Variants in TENM4 observed in about 807,000 individuals in gnomAD.
TENM4 encodes teneurin transmembrane protein 4, also known as teneurin-4.
A neutral mutation model predicts 243.3 loss-of-function variants in TENM4; 82 were observed. The observed-to-expected ratio is 0.34, with a 90% CI of 0.28 to 0.40. The LOEUF (loss-of-function observed/expected upper bound fraction) is 0.40, where lower values mean the gene tolerates loss of function less well. TENM4 is among the 10% of genes least tolerant of loss of function. The pLI, the probability that TENM4 is intolerant of heterozygous loss-of-function variation, is 1.00. For synonymous variants in TENM4, 1,412 were observed against 1,456.3 expected (o/e 0.97, Z 0.69); for missense variants, 3,138 against 3,673.3 (o/e 0.85, Z 3.77).
chr11:79,293,569 G>A (rs1856393053), intron 2 of TENM4, among the ~76,000 whole-genome samples: 1 of 151,778 alleles, frequency 6.6e-6, no homozygotes, highest in Non-Finnish European at 1.5e-5. Context: ...TATGTAAGAT[G>A]TCACCAGAGT....
At chr11:78,762,798 A>G (rs1389691049) in intron 18 of TENM4, among the ~76,000 whole-genome samples, 1 of 146,458 alleles carries the variant, frequency 6.8e-6, no homozygotes, top group Non-Finnish European at 1.5e-5. Context: ...AACAGTGCAT[A>G]TGGCTGTTCT....
intron 19 of TENM4, chr11:78,749,140 G>A (rs986528567): frequency 1.3e-5 from 2 of 152,200 alleles, no homozygotes; most frequent in African/African-American, 4.8e-5. Flanking sequence ...TGGCAGAGGA[G>A]GAGTTGTTAG....
At chr11:78,778,153 A>C (rs995148606) in intron 17 of TENM4, among the ~76,000 whole-genome samples, 7 of 152,154 alleles carry the variant, frequency 4.6e-5, no homozygotes, top group Non-Finnish European at 8.8e-5. Flanking sequence ...GAATGAACAC[A>C]GTAGTACTAG....
intron 6 of TENM4, among the ~76,000 whole-genome samples, chr11:78,961,762 T>C (rs1857327488): frequency 6.6e-6 from 1 of 151,696 alleles, no homozygotes; most frequent in South Asian, 2.1e-4. Flanking sequence ...AGGTAGTTGG[T>C]TGGTGTTGCC....
At chr11:78,980,573 G>T (rs773640059) in intron 6 of TENM4, among the ~76,000 whole-genome samples, 15 of 152,226 alleles carry the variant, frequency 9.9e-5, no homozygotes, top group Admixed American at 3.9e-4. Context: ...AAATGGTTTT[G>T]TGCCATTAAT....
At chr11:79,008,599 CTT>C (rs933445928) in intron 6 of TENM4, among the ~76,000 whole-genome samples, 2 of 152,128 alleles carry the variant, frequency 1.3e-5, no homozygotes, top group African/African-American at 4.8e-5. Context: ...TTTTAAGTAA[CTT>C]TATAATATTA....
rs1392866947 is a variant in TENM4 at position 78,732,301 on chromosome 11, A to G, written c.3138+15T>C. ...AATAAAAGCATGGTGGAATGCAATT[A>G]GGAAAGCTGGGTACCTGAATTTCCG... On this transcript the variant is annotated intron_variant, in intron 21 of 33. Transcript: ENST00000278550. The G allele has an allele frequency of 6.3e-7, 1 of 1,581,334 alleles. No individual in the cohort carries two copies. Among genetic ancestry groups the G allele is most frequent in the African/African-American group, 1.4e-5 (1 of 73,862 alleles).
At chr11:79,364,856 G>A (rs1396747119) in intron 1 of TENM4, among the ~76,000 whole-genome samples, 1 of 152,108 alleles carries the variant, frequency 6.6e-6, no homozygotes, top group Non-Finnish European at 1.5e-5. Context: ...TTACCACTTT[G>A]TAAATCTCTT....
At chr11:78,823,472 C>A (rs1857783008) in intron 12 of TENM4, among the ~76,000 whole-genome samples, 1 of 152,166 alleles carries the variant, frequency 6.6e-6, no homozygotes, top group African/African-American at 2.4e-5. Flanking sequence ...GGGAACTTAG[C>A]ATTCAGGAGC....
intron 19 of TENM4, among the ~76,000 whole-genome samples, chr11:78,744,723 A>G (rs1374670520): frequency 1.3e-5 from 2 of 152,254 alleles, no homozygotes; most frequent in Non-Finnish European, 2.9e-5. Flanking sequence ...GCATTCATTT[A>G]TAAATCGCAC....
intron 4 of TENM4, among the ~76,000 whole-genome samples, chr11:79,107,102 G>A (rs1216963999): frequency 6.6e-6 from 1 of 152,140 alleles, no homozygotes; most frequent in Non-Finnish European, 1.5e-5. Flanking sequence ...TGAGGAACAG[G>A]TGGCACAGAG....
chr11:78,973,253 T>C (rs975655362), intron 6 of TENM4, among the ~76,000 whole-genome samples: 7 of 152,236 alleles, frequency 4.6e-5, no homozygotes, highest in African/African-American at 1.7e-4. Flanking sequence ...AACTGCCAGA[T>C]TGTCTTCCAA....
rs1024647719 is a variant in TENM4, at chr11:78,654,773, A to C, written c.*3285T>G. ...TACCTGCATGCCTTCCCCTTCCTCCAGTCTGCCCTCCAGCAATGTCTGTTT... is the reference window on the plus strand; with the variant it reads ...TACCTGCATGCCTTCCCCTTCCTCCCGTCTGCCCTCCAGCAATGTCTGTTT... On this transcript the variant is annotated 3_prime_UTR_variant, in exon 34 of 34. Transcript: ENST00000278550. 2 of 143,796 alleles carry C rather than the reference A, an allele frequency of 1.4e-5. No homozygotes were observed. The highest frequency in any genetic ancestry group is 5.0e-5 in the African/African-American group (2 of 39,714). 8.9% of individuals were successfully genotyped at this position (143,796 alleles called of 1,614,324 possible). A position where few individuals can be genotyped will look rare whatever the true frequency, so the allele number is the denominator to read the frequency against.
intron 1 of TENM4, among the ~76,000 whole-genome samples, chr11:79,334,142 C>T (rs1331707808): frequency 1.3e-5 from 2 of 152,162 alleles, no homozygotes; most frequent in Admixed American, 6.5e-5. Flanking sequence ...AGAGCCCCAA[C>T]AAAAACAAGC....
chr11:78,711,093 C>G (rs550630265), intron 26 of TENM4, among the ~76,000 whole-genome samples: 70 of 152,290 alleles, frequency 4.6e-4, no homozygotes, highest in Admixed American at 1.7e-3. Flanking sequence ...CTTCTAAGTG[C>G]AAGCCTAGTG....
chr11:79,228,378 C>G (rs1202581160), intron 2 of TENM4, among the ~76,000 whole-genome samples: 1 of 152,192 alleles, frequency 6.6e-6, no homozygotes, highest in Non-Finnish European at 1.5e-5. Flanking sequence ...CCCACAGGAA[C>G]TGAAAGGACC....
At chr11:79,364,996 C>T (rs762777106) in intron 1 of TENM4, among the ~76,000 whole-genome samples, 28 of 152,110 alleles carry the variant, frequency 1.8e-4, no homozygotes, top group Non-Finnish European at 3.2e-4. Flanking sequence ...AGACATGTTT[C>T]AAAATCTTAC....
chr11:78,696,619 T>C (rs1436372261), intron 28 of TENM4, among the ~76,000 whole-genome samples: 2 of 152,216 alleles, frequency 1.3e-5, no homozygotes, highest in Non-Finnish European at 2.9e-5. Context: ...TAAATTCCCT[T>C]AGCAATTCCC....
At chr11:78,894,979 T>TAA (rs67819510) in intron 7 of TENM4, among the ~76,000 whole-genome samples, 12 of 59,464 alleles carry the variant, frequency 2.0e-4, no homozygotes, top group South Asian at 1.1e-3. Flanking sequence ...GACTCGGCCT[T>TAA]AAAAAAAAAA....
Sources: gnomAD v4.1 joint callset for allele counts (sites outside exome capture counted in the v4.1 genomes callset) on GRCh38, gnomAD v4.1.1 for gene constraint, MANE v1.5 for transcripts, NCBI Gene and HGNC (gene_info 2026-07-23, HGNC 2026-07-21) for gene names.